KCND2: variants seen among roughly 807,000 people sequenced by gnomAD.
KCND2 encodes potassium voltage-gated channel subfamily D member 2, also known as A-type voltage-gated potassium channel KCND2.
A neutral mutation model predicts 54.4 loss-of-function variants in KCND2; 16 were observed. That is an observed-to-expected ratio of 0.29 (90% CI 0.20 to 0.45). The LOEUF (loss-of-function observed/expected upper bound fraction) is 0.45. KCND2 is among the 20% of genes least tolerant of loss of function. The pLI is 1.00. For synonymous variants in KCND2, 317 were observed against 310.7 expected, an observed-to-expected ratio of 1.02 and a Z score of -0.21; for missense variants, 486 against 824.2, an observed-to-expected ratio of 0.59 and a Z score of 5.02.
chr7:120,487,695 A>G (rs537476238), intron 1 of KCND2, among the ~76,000 whole-genome samples: 16 of 152,282 alleles, frequency 1.1e-4, no homozygotes, highest in Admixed American at 1.0e-3. Flanking sequence ...ATAATGATTC[A>G]TGTGGGAAGA....
At chr7:120,346,519 A>G (rs530116529) in intron 1 of KCND2, among the ~76,000 whole-genome samples, 1 of 152,320 alleles carries the variant, frequency 6.6e-6, no homozygotes, top group East Asian at 1.9e-4. Flanking sequence ...CCCAGGACAG[A>G]TTTTGGTGCT....
At chr7:120,445,439 T>A (rs1012431263) in intron 1 of KCND2, among the ~76,000 whole-genome samples, 1 of 152,150 alleles carries the variant, frequency 6.6e-6, no homozygotes. Context: ...ATCTAGACTG[T>A]TCACAGATTG....
intron 1 of KCND2, among the ~76,000 whole-genome samples, chr7:120,579,836 A>G (rs945027608): frequency 6.6e-5 from 10 of 152,058 alleles, no homozygotes; most frequent in African/African-American, 2.4e-4. Context: ...TGTGGAATCA[A>G]TTTTTCTCTG....
intron 1 of KCND2, among the ~76,000 whole-genome samples, chr7:120,420,783 A>T (rs1801599972): frequency 6.6e-6 from 1 of 152,204 alleles, no homozygotes; most frequent in African/African-American, 2.4e-5. Context: ...ATAAAGACCA[A>T]GGGAATAGAA....
At chr7:120,485,922 CATAA>C (rs1802687043) in intron 1 of KCND2, among the ~76,000 whole-genome samples, 1 of 152,150 alleles carries the variant, frequency 6.6e-6, no homozygotes, top group African/African-American at 2.4e-5. Context: ...ATTTTAAATG[CATAA>C]ATAAATGCAT....
chr7:120,448,320 G>A (rs1485658333), intron 1 of KCND2, among the ~76,000 whole-genome samples: 1 of 152,052 alleles, frequency 6.6e-6, no homozygotes, highest in African/African-American at 2.4e-5. Flanking sequence ...CAGAATGATG[G>A]TTTCCAGCTT....
chr7:120,425,283 C>T (rs565540432), intron 1 of KCND2, among the ~76,000 whole-genome samples: 1 of 152,220 alleles, frequency 6.6e-6, no homozygotes, highest in Non-Finnish European at 1.5e-5. Flanking sequence ...AATATTTTGC[C>T]ACCTAGGAAA....
chr7:120,726,010 G>A (rs1052809042), intron 1 of KCND2, among the ~76,000 whole-genome samples: 6 of 152,174 alleles, frequency 3.9e-5, no homozygotes, highest in Non-Finnish European at 8.8e-5. Context: ...GATTATTAAT[G>A]CTGTGAATAG....
intron 1 of KCND2, among the ~76,000 whole-genome samples, chr7:120,524,255 A>G (rs1170339309): frequency 1.3e-5 from 2 of 152,070 alleles, no homozygotes; most frequent in Non-Finnish European, 2.9e-5. Context: ...AAAAAAGCCA[A>G]AATTGAGGAG....
At chr7:120,300,224 A>G (rs1404106176) in intron 1 of KCND2, among the ~76,000 whole-genome samples, 1 of 152,136 alleles carries the variant, frequency 6.6e-6, no homozygotes, top group South Asian at 2.1e-4. Context: ...GGAATTGACC[A>G]ATTCATATTA....
At position 120,404,366 on chromosome 7, in the gene KCND2, A is replaced by G. The variant is rs138936885; in HGVS notation, c.1115+128619A>G. Among the ~76,000 whole-genome samples, 10 of 152,326 alleles carry G rather than the reference A, an allele frequency of 6.6e-5. No homozygotes were observed. The East Asian group carries it at 1.2e-3, about 18-fold the overall frequency. Reference sequence around the variant, plus strand: ...CTTTGCAGCATTACTGGTTGAATACAGCATATTCTGAACATCTCTACATTT... The same window carrying G: ...CTTTGCAGCATTACTGGTTGAATACGGCATATTCTGAACATCTCTACATTT... On this transcript the variant is annotated intron_variant, in intron 1 of 5. Coordinates refer to ENST00000331113, the MANE Select transcript of KCND2 (RefSeq NM_012281.3).
chr7:120,557,541 C>A (rs1348616992), intron 1 of KCND2, among the ~76,000 whole-genome samples: 1 of 151,982 alleles, frequency 6.6e-6, no homozygotes, highest in Non-Finnish European at 1.5e-5. Context: ...CATTTATTTC[C>A]CTCCTCATGT....
intron 1 of KCND2, among the ~76,000 whole-genome samples, chr7:120,606,106 C>T (rs187245330): frequency 6.6e-6 from 1 of 152,282 alleles, no homozygotes; most frequent in East Asian, 1.9e-4. Flanking sequence ...TGCCTTCCAC[C>T]ATGACTTTGA....
chr7:120,435,933 G>A (rs576636794), intron 1 of KCND2, among the ~76,000 whole-genome samples: 1 of 152,270 alleles, frequency 6.6e-6, no homozygotes, highest in South Asian at 2.1e-4. Flanking sequence ...TTTAGAATTT[G>A]CAGCCATGTG....
intron 1 of KCND2, among the ~76,000 whole-genome samples, chr7:120,596,135 T>C (rs998556012): frequency 6.6e-5 from 10 of 152,214 alleles, no homozygotes; most frequent in African/African-American, 2.2e-4. Flanking sequence ...TTATTTTGTT[T>C]ACTTAGTTTC....
intron 1 of KCND2, among the ~76,000 whole-genome samples, chr7:120,525,352 G>T (rs193269066): frequency 6.6e-6 from 1 of 152,076 alleles, no homozygotes; most frequent in Non-Finnish European, 1.5e-5. Context: ...CAACTTACCC[G>T]CTTTGAACCT....
intron 1 of KCND2, among the ~76,000 whole-genome samples, chr7:120,448,172 C>T (rs1802046104): frequency 6.7e-6 from 1 of 149,582 alleles, no homozygotes; most frequent in Non-Finnish European, 1.5e-5. Context: ...AATGCTATCC[C>T]TCCCCCCTCA....
intron 1 of KCND2, among the ~76,000 whole-genome samples, chr7:120,488,748 A>T (rs1448768313): frequency 2.0e-5 from 3 of 150,728 alleles, no homozygotes; most frequent in Non-Finnish European, 4.4e-5. Context: ...TTTTTGGTTC[A>T]TTTTTTTTTA....
chr7:120,330,315 C>T (rs1584733145), intron 1 of KCND2, among the ~76,000 whole-genome samples: 1 of 152,054 alleles, frequency 6.6e-6, no homozygotes, highest in South Asian at 2.1e-4. Flanking sequence ...CGTGGTGGCT[C>T]ACGCCTGTAA....
Sources: allele counts gnomAD v4.1 joint callset (sites outside exome capture counted in the v4.1 genomes callset), GRCh38; gene constraint gnomAD v4.1.1; transcripts MANE v1.5; gene names NCBI Gene and HGNC (gene_info 2026-07-23, HGNC 2026-07-21).